The following NEDD4L variants were observed in gnomAD, a reference collection of about 807,000 sequenced individuals.
NEDD4L encodes NEDD4 like E3 ubiquitin protein ligase.
Under a neutral mutation model 148.9 loss-of-function variants are expected in NEDD4L, and 54 were observed. The ratio of observed to expected loss-of-function variants is 0.36; its 90% CI spans 0.29 to 0.45. The LOEUF is 0.45. Among genes scored for constraint, NEDD4L ranks in the 20% least tolerant of loss-of-function variants. The probability of loss-of-function intolerance (pLI) is 1.00; values close to 1 mark genes in which losing one functional copy is unlikely to be tolerated. For missense variants in NEDD4L, 856 were observed against 1,233.8 expected, an observed-to-expected ratio of 0.69 and a Z score of 4.59; for synonymous variants, 433 against 440.7, an observed-to-expected ratio of 0.98 and a Z score of 0.22.
intron 2 of NEDD4L, chr18:58,195,673 ATCTAGACCTGCC>A (rs1297558853): frequency 7.4e-7 from 1 of 1,351,804 alleles, no homozygotes; most frequent in Non-Finnish European, 9.8e-7. Flanking sequence ...GACCATCTGC[ATCTAGACCTGCC>A]TCTCTCTCCG....
chr18:58,099,230 G>A (rs2084611260), intron 1 of NEDD4L, among the ~76,000 whole-genome samples: 2 of 151,636 alleles, frequency 1.3e-5, no homozygotes, highest in Non-Finnish European at 2.9e-5. Context: ...ACAGGCTGAA[G>A]TGCAGTGGTG....
At chr18:58,255,446 T>C in intron 5 of NEDD4L, 1 of 1,183,314 alleles carries the variant, frequency 8.5e-7, no homozygotes, top group Non-Finnish European at 1.1e-6. Context: ...AGCTTTTTGC[T>C]CTTATCCAAT....
At chr18:58,378,644 A>C (rs1418223330) in intron 24 of NEDD4L, among the ~76,000 whole-genome samples, 4 of 152,094 alleles carry the variant, frequency 2.6e-5, no homozygotes, top group African/African-American at 4.8e-5. Flanking sequence ...TGGTTGGTGG[A>C]GTGATGGGGG....
intron 2 of NEDD4L, among the ~76,000 whole-genome samples, chr18:58,202,317 T>C (rs2041503649): frequency 6.6e-6 from 1 of 152,194 alleles, no homozygotes; most frequent in South Asian, 2.1e-4. Flanking sequence ...TCTGTTAAAC[T>C]CTCTTTCCCT....
chr18:58,047,764 A>G (rs534431515), intron 1 of NEDD4L, among the ~76,000 whole-genome samples: 1 of 152,306 alleles, frequency 6.6e-6, no homozygotes, highest in South Asian at 2.1e-4. Context: ...ACTTTGGACT[A>G]GTTTCTGCAT....
chr18:58,320,531 T>C (rs1260752534), intron 6 of NEDD4L, among the ~76,000 whole-genome samples: 1 of 152,228 alleles, frequency 6.6e-6, no homozygotes, highest in Non-Finnish European at 1.5e-5. Context: ...ATTTGTTGGT[T>C]GGCAGGGCAT....
At chr18:58,353,278 A>G (rs2145688380) in intron 18 of NEDD4L, among the ~76,000 whole-genome samples, 1 of 152,248 alleles carries the variant, frequency 6.6e-6, no homozygotes, top group African/African-American at 2.4e-5. Flanking sequence ...ACATTTCCTC[A>G]TTTCACTTGA....
At chr18:58,071,583 A>G (rs900211100) in intron 1 of NEDD4L, among the ~76,000 whole-genome samples, 3 of 152,234 alleles carry the variant, frequency 2.0e-5, no homozygotes, top group African/African-American at 7.2e-5. Flanking sequence ...AACCATACCC[A>G]TAATGGGAGT....
chr18:58,063,213 T>TTTTTA (rs2082423262), intron 1 of NEDD4L, among the ~76,000 whole-genome samples: 1 of 151,362 alleles, frequency 6.6e-6, no homozygotes, highest in Admixed American at 6.6e-5. Context: ...GCCTGGCTAA[T>TTTTTA]TTTTTATTTT....
At chr18:58,076,567 G>C (rs550448355) in intron 1 of NEDD4L, among the ~76,000 whole-genome samples, 2 of 152,100 alleles carry the variant, frequency 1.3e-5, no homozygotes, top group African/African-American at 4.8e-5. Flanking sequence ...TCCTGTTTGA[G>C]GTTTGGATCC....
chr18:58,212,920 GAATGTT>G (rs2042744904), intron 2 of NEDD4L, among the ~76,000 whole-genome samples: 2 of 151,616 alleles, frequency 1.3e-5, no homozygotes, highest in African/African-American at 4.9e-5. Context: ...AATGGACAAA[GAATGTT>G]AATATAGAAT....
At chr18:58,268,492 A>G (rs1254669435) in intron 5 of NEDD4L, among the ~76,000 whole-genome samples, 1 of 151,994 alleles carries the variant, frequency 6.6e-6, no homozygotes, top group Non-Finnish European at 1.5e-5. Flanking sequence ...TGTATCAAAG[A>G]GGTATATTTT....
Position 58,165,862 on chromosome 18 carries a change from G to T in NEDD4L, c.122+1G>T. The T allele has an allele frequency of 6.2e-7, 1 of 1,603,402 alleles. No individual in the cohort carries two copies. The highest frequency in any genetic ancestry group is 8.5e-7 in the Non-Finnish European group (1 of 1,174,076). ...CCAAAAAGGACATCTTTGGAGCCAG[G>T]TATGTTGGCTTTGTTTTTATTTCTG... On this transcript the variant is annotated splice_donor_variant, in intron 2 of 30. Coordinates refer to ENST00000400345, the MANE Select transcript of NEDD4L (RefSeq NM_001144967.3). LOFTEE classifies it high-confidence loss of function.
intron 2 of NEDD4L, among the ~76,000 whole-genome samples, chr18:58,186,605 T>C (rs1367901090): frequency 6.6e-6 from 1 of 152,214 alleles, no homozygotes; most frequent in Non-Finnish European, 1.5e-5. Flanking sequence ...TATGGCATAA[T>C]TAAATCATAG....
At chr18:58,343,150 G>A (rs751091251) in intron 16 of NEDD4L, 47 bp downstream of exon 16, 30 of 1,491,520 alleles carry the variant, frequency 2.0e-5, no homozygotes, top group Non-Finnish European at 2.7e-5. Context: ...ATGAAGTCTG[G>A]CATTAATTCC....
At chr18:58,343,835 C>T (rs1222882736) in intron 16 of NEDD4L, among the ~76,000 whole-genome samples, 9 of 152,254 alleles carry the variant, frequency 5.9e-5, no homozygotes, top group African/African-American at 2.2e-4. Context: ...GTGGCTTTTT[C>T]AGTGTAGTAT....
chr18:58,294,193 A>G (rs1042676565), intron 5 of NEDD4L, among the ~76,000 whole-genome samples: 35 of 152,190 alleles, frequency 2.3e-4, no homozygotes, highest in African/African-American at 8.4e-4. Flanking sequence ...CTTTCTTCCA[A>G]AATAAACCCA....
chr18:58,131,680 G>A (rs1477501765), intron 1 of NEDD4L, among the ~76,000 whole-genome samples: 2 of 151,832 alleles, frequency 1.3e-5, no homozygotes, highest in Non-Finnish European at 2.9e-5. Context: ...TTGGGGTTTG[G>A]TTGTGATCTA....
chr18:58,148,574 AC>A (rs1176410675), intron 1 of NEDD4L, among the ~76,000 whole-genome samples: 2 of 152,092 alleles, frequency 1.3e-5, no homozygotes, highest in African/African-American at 4.8e-5. Flanking sequence ...CTGTGCCCTC[AC>A]ATGGCCTTTG....
Sources: gnomAD v4.1 joint callset for allele counts (sites outside exome capture counted in the v4.1 genomes callset) on GRCh38, gnomAD v4.1.1 for gene constraint, MANE v1.5 for transcripts, NCBI Gene and HGNC (gene_info 2026-07-23, HGNC 2026-07-21) for gene names.